L3HYPDH: variants seen among roughly 807,000 people sequenced by gnomAD.
L3HYPDH encodes trans-L-3-hydroxyproline dehydratase, also known as trans-3-hydroxy-L-proline dehydratase.
Under a neutral mutation model 26.5 loss-of-function variants are expected in L3HYPDH, and 32 were observed. That is an observed-to-expected ratio of 1.21 (90% CI 0.91 to 1.62). The LOEUF (loss-of-function observed/expected upper bound fraction) is 1.62. Ranked by LOEUF, L3HYPDH falls within the 40% of genes most tolerant of loss-of-function variation. The pLI is 0.00. For missense variants in L3HYPDH, 554 were observed against 476.4 expected, an observed-to-expected ratio of 1.16 and a Z score of -1.52; for synonymous variants, 215 against 196.6, an observed-to-expected ratio of 1.09 and a Z score of -0.78.
Position 59,475,923 on chromosome 14 carries a change from C to T in L3HYPDH, c.885G>A (p.Met295Ile). Residue 295 changes from methionine to isoleucine, a missense_variant, in exon 4 of 5, where the codon ATG becomes ATA. Met to Ile is a conservative substitution (Grantham distance 10). Coordinates refer to ENST00000247194, the MANE Select transcript of L3HYPDH (RefSeq NM_144581.2). ...CAGTTGCACTGCTTTTGAAGGCTCT[C>T]ATCTGGTTCAGTTCCAGAAGCCCTT... ...YHKGLLELNQ[M>I]RAFKSSATGS... The T allele has an allele frequency of 6.2e-7, 1 of 1,613,898 alleles. No homozygotes were observed. The highest frequency in any genetic ancestry group is 8.5e-7 in the Non-Finnish European group (1 of 1,179,904).
chr14:59,492,770 A>T, the L3HYPDH span, among the ~76,000 whole-genome samples: 1 of 152,018 alleles, frequency 6.6e-6, no homozygotes, highest in South Asian at 2.1e-4. Flanking sequence ...GTCTCTGGAA[A>T]AATAGAGACT....
chr14:59,470,099 C>G (rs1451769369), downstream of L3HYPDH, among the ~76,000 whole-genome samples: 2 of 152,128 alleles, frequency 1.3e-5, no homozygotes, highest in Non-Finnish European at 2.9e-5. Flanking sequence ...ATTTTCCCAG[C>G]CTTTTATGAG....
chr14:59,498,713 A>T, the L3HYPDH span: 2 of 1,337,808 alleles, frequency 1.5e-6, no homozygotes, highest in Non-Finnish European at 2.1e-6. Flanking sequence ...CAAATTCTTT[A>T]TTTTATTTTA....
At chr14:59,497,210 CATT>C in the L3HYPDH span, among the ~76,000 whole-genome samples, 19 of 152,182 alleles carry the variant, frequency 1.2e-4, no homozygotes, top group Non-Finnish European at 1.9e-4. Context: ...AAGCTTCTAT[CATT>C]ATAACTTACT....
chr14:59,484,798 C>T (rs1214805256), upstream of L3HYPDH: 2 of 902,294 alleles, frequency 2.2e-6, no homozygotes, highest in Non-Finnish European at 3.3e-6. Context: ...GGGAGGCGCG[C>T]TGTCTGCGGC....
chr14:59,497,891 T>A, the L3HYPDH span, among the ~76,000 whole-genome samples: 1 of 152,168 alleles, frequency 6.6e-6, no homozygotes, highest in Non-Finnish European at 1.5e-5. Flanking sequence ...GACACTCCCC[T>A]GTATAGGGAG....
At position 59,484,256 on chromosome 14, in the gene L3HYPDH, A is replaced by G. The variant is rs1481491078; in HGVS notation, c.61T>C (p.Ser21Pro). ...CCGCCCGTGTGCATGTCCACCACCG[A>G]CAGCACCGGCGTCCCTGGATCATGC... Reference protein sequence around the residue: ...PPHDPGTPVLSVVDMHTGGEP... With the variant: ...PPHDPGTPVLPVVDMHTGGEP... Residue 21 changes from serine to proline, a missense_variant, in exon 1 of 5, where the codon TCG becomes CCG. Physicochemically the swap from Ser to Pro is moderately conservative, Grantham distance 74. Transcript: ENST00000247194. The G allele has an allele frequency of 6.3e-7, 1 of 1,597,818 alleles. No individual in the cohort carries two copies. The highest frequency in any genetic ancestry group is 1.7e-5 in the Admixed American group (1 of 59,974).
the L3HYPDH span, among the ~76,000 whole-genome samples, chr14:59,489,795 A>G: frequency 1.3e-5 from 2 of 152,178 alleles, no homozygotes; most frequent in Non-Finnish European, 2.9e-5. Flanking sequence ...GGAAGCTTAC[A>G]ATCATGGCAG....
At chr14:59,483,709 T>C (rs1394981369) in intron 1 of L3HYPDH, 100 bp downstream of exon 1, 1 of 1,508,154 alleles carries the variant, frequency 6.6e-7, no homozygotes, top group Non-Finnish European at 8.8e-7. Flanking sequence ...TTTCGCGGAG[T>C]AGGTTAGTTG....
At chr14:59,468,368 T>C (rs1417396832), downstream of L3HYPDH, among the ~76,000 whole-genome samples, 1 of 152,250 alleles carries the variant, frequency 6.6e-6, no homozygotes, top group Non-Finnish European at 1.5e-5. Flanking sequence ...TCTGTGTTCC[T>C]GCCACACTTG....
chr14:59,471,074 G>C (rs1278794896), downstream of L3HYPDH, among the ~76,000 whole-genome samples: 7 of 151,876 alleles, frequency 4.6e-5, no homozygotes, highest in African/African-American at 1.2e-4. Context: ...AGAATCAACA[G>C]GGCTTTGTGA....
chr14:59,471,402 T>C (rs960444779), downstream of L3HYPDH, among the ~76,000 whole-genome samples: 6 of 152,206 alleles, frequency 3.9e-5, no homozygotes, highest in African/African-American at 1.4e-4. Context: ...AGGAGAGTTA[T>C]TTAACATGTT....
At chr14:59,469,120 A>G (rs1293959223), downstream of L3HYPDH, among the ~76,000 whole-genome samples, 6 of 152,156 alleles carry the variant, frequency 3.9e-5, no homozygotes, top group Admixed American at 3.9e-4. Flanking sequence ...GAACAGATCA[A>G]CTTCAGTTTT....
At chr14:59,498,188 T>G in the L3HYPDH span, among the ~76,000 whole-genome samples, 1 of 152,230 alleles carries the variant, frequency 6.6e-6, no homozygotes, top group Non-Finnish European at 1.5e-5. Flanking sequence ...TGTGTATGCA[T>G]TTTAAGGAAT....
intron 1 of L3HYPDH, among the ~76,000 whole-genome samples, chr14:59,467,377 T>C (rs78158255): frequency 0.015 from 2,270 of 152,308 alleles, 62 homozygotes; most frequent in African/African-American, 0.05. Flanking sequence ...TTGTAGGCCA[T>C]GCTCTGGAGA....
At chr14:59,466,710 A>G (rs948565559) in intron 1 of L3HYPDH, among the ~76,000 whole-genome samples, 4 of 152,232 alleles carry the variant, frequency 2.6e-5, no homozygotes, top group Non-Finnish European at 5.9e-5. Context: ...GGAAATTTAC[A>G]GTATAAATAG....
chr14:59,490,021 C>G, the L3HYPDH span, among the ~76,000 whole-genome samples: 2 of 152,080 alleles, frequency 1.3e-5, no homozygotes, highest in Non-Finnish European at 2.9e-5. Context: ...TTCCTAGGCT[C>G]AAGTGATCTT....
chr14:59,468,300 T>C (rs1367368880), downstream of L3HYPDH, among the ~76,000 whole-genome samples: 1 of 152,234 alleles, frequency 6.6e-6, no homozygotes, highest in African/African-American at 2.4e-5. Context: ...TACAAGGCAC[T>C]GCATGATTTG....
chr14:59,488,361 T>C (rs750510684), upstream of L3HYPDH, among the ~76,000 whole-genome samples: 1 of 152,150 alleles, frequency 6.6e-6, no homozygotes, highest in Non-Finnish European at 1.5e-5. Context: ...TACATAATTA[T>C]AAATCAGTCT....
Sources: gnomAD v4.1 joint callset for allele counts (sites outside exome capture counted in the v4.1 genomes callset) on GRCh38, gnomAD v4.1.1 for gene constraint, MANE v1.5 for transcripts, NCBI Gene and HGNC (gene_info 2026-07-23, HGNC 2026-07-21) for gene names.